The following PCDHA4 variants were observed in gnomAD, a reference collection of about 807,000 sequenced individuals.
PCDHA4 encodes protocadherin alpha-4.
In PCDHA4, 49 loss-of-function variants were observed where a neutral mutation model predicts 61.4. The ratio of observed to expected loss-of-function variants is 0.80; its 90% CI spans 0.63 to 1.01. PCDHA4 has a LOEUF of 1.01. Among genes scored for constraint, PCDHA4 ranks in the 50% least tolerant of loss-of-function variants. PCDHA4 has a pLI of 0.00. For missense variants in PCDHA4, 1,254 were observed against 1,235.8 expected (o/e 1.01, Z -0.22); for synonymous variants, 590 against 550.3 (o/e 1.07, Z -1.01).
chr5:140,973,653 A>G (rs2096597249), intron 1 of PCDHA4, among the ~76,000 whole-genome samples: 1 of 152,202 alleles, frequency 6.6e-6, no homozygotes, highest in African/African-American at 2.4e-5. Context: ...TGAAGAAGAA[A>G]TCTATTTATT....
intron 1 of PCDHA4, among the ~76,000 whole-genome samples, chr5:140,872,514 T>G (rs1223185665): frequency 1.3e-5 from 2 of 152,108 alleles, no homozygotes; most frequent in East Asian, 3.9e-4. Context: ...GTAGTCCCAG[T>G]TTCTTGGGAG....
At chr5:140,942,351 G>GCAGTTAA (rs1563195355) in intron 1 of PCDHA4, among the ~76,000 whole-genome samples, 1 of 152,024 alleles carries the variant, frequency 6.6e-6, no homozygotes. Context: ...GGCGGAGGTT[G>GCAGTTAA]CAGTTAACGG....
At chr5:140,957,255 T>C (rs577479092) in intron 1 of PCDHA4, among the ~76,000 whole-genome samples, 88 of 152,306 alleles carry the variant, frequency 5.8e-4, no homozygotes, top group Non-Finnish European at 1.0e-3. Flanking sequence ...AAAATTTAAA[T>C]ATGTAAGCAC....
rs114483996 is a variant in PCDHA4, at chr5:140,825,464, C to A, written c.2385+15892C>A. The stretch of plus-strand genomic sequence containing the variant: ...ATAATATATATCAGATATTTTGATA[C>A]AGAATTTTGCTCTTGTTGCCCAAAC... On this transcript the variant is annotated intron_variant, in intron 1 of 3. Coordinates refer to ENST00000530339, the MANE Select transcript of PCDHA4 (RefSeq NM_018907.4). 1.4e-3 allele frequency: 215 copies of A among 148,416 alleles called. 1 individual carries two copies. Among genetic ancestry groups the A allele is most frequent in the African/African-American group, 5.0e-3 (201 of 40,520 alleles). The allele number at this position is 148,416 out of a possible 1,614,324, so 9.2% of individuals were successfully genotyped here.
chr5:141,008,147 G>A (rs782783615), intron 3 of PCDHA4, among the ~76,000 whole-genome samples: 9 of 152,114 alleles, frequency 5.9e-5, no homozygotes, highest in Non-Finnish European at 1.3e-4. Context: ...CTGCTGAGAG[G>A]TTTGATAAGA....
rs145409201 is a variant in PCDHA4, at chr5:140,808,107, A to T, written c.920A>T (p.Tyr307Phe). 1.2e-6 allele frequency: 2 copies of T among 1,613,886 alleles called. No individual in the cohort carries two copies. The highest frequency in any genetic ancestry group is 2.7e-5 in the African/African-American group (2 of 75,076). The change falls in exon 1 of 4, where the codon TAT becomes TTT. Residue 307 changes from tyrosine to phenylalanine, a missense_variant. Tyr to Phe is a conservative substitution (Grantham distance 22). Transcript: ENST00000530339. Reference protein sequence around the residue: ...PITGQIIVKGYIDFEESKSYE... With the variant: ...PITGQIIVKGFIDFEESKSYE... ...ACTGGACAAATTATTGTAAAGGGAT[A>T]TATTGACTTTGAAGAAAGCAAATCC...
At chr5:140,943,770 A>G (rs1290673049) in intron 1 of PCDHA4, among the ~76,000 whole-genome samples, 16 of 152,384 alleles carry the variant, frequency 1.0e-4, no homozygotes, top group African/African-American at 3.8e-4. Context: ...TAGGAAAAAA[A>G]CTAGGAAGTG....
chr5:141,000,387 CTCTCTCTCTATATATA>C (rs1282156924), intron 3 of PCDHA4, among the ~76,000 whole-genome samples: 8 of 66,888 alleles, frequency 1.2e-4, no homozygotes, highest in African/African-American at 4.0e-4. Flanking sequence ...CTCTCTCTCT[CTCTCTCTCTATATATA>C]TATATATATA....
At chr5:141,002,220 G>A (rs2098065627) in intron 3 of PCDHA4, among the ~76,000 whole-genome samples, 1 of 152,196 alleles carries the variant, frequency 6.6e-6, no homozygotes. Context: ...TCAAAATGAT[G>A]GGTTTTCTGG....
intron 1 of PCDHA4, chr5:140,883,784 A>G (rs2059818732): frequency 3.7e-6 from 6 of 1,612,354 alleles, no homozygotes; most frequent in Non-Finnish European, 4.2e-6. Context: ...TGCGCTGTCG[A>G]GCTACGTGTC....
At chr5:140,822,968 C>T (rs2150120818) in intron 1 of PCDHA4, 1 of 1,614,232 alleles carries the variant, frequency 6.2e-7, no homozygotes, top group East Asian at 2.2e-5. Context: ...AAGCTGGTGT[C>T]CACCTTCAAG....
chr5:140,876,827 C>A, intron 1 of PCDHA4: 3 of 1,614,182 alleles, frequency 1.9e-6, no homozygotes, highest in South Asian at 1.1e-5. Context: ...AACGACAATG[C>A]GCCTGCGTTC....
intron 1 of PCDHA4, chr5:140,877,160 C>G: frequency 6.2e-7 from 1 of 1,613,814 alleles, no homozygotes; most frequent in Non-Finnish European, 8.5e-7. Flanking sequence ...GACAACGCGC[C>G]GGCACTGCTG....
rs541261946 is a variant in PCDHA4, at chr5:140,926,749, G to T, written c.2386-52200G>T. ...GGCGTTCGGGAGGCGCAACGTCGGC[G>T]GTCGCTGAGTATCCAGCCCGCAGCA... On this transcript the variant is annotated intron_variant, in intron 1 of 3. Coordinates refer to ENST00000530339, the MANE Select transcript of PCDHA4 (RefSeq NM_018907.4). 7.3e-6 allele frequency: 9 copies of T among 1,237,260 alleles called. No homozygotes were observed. In the East Asian group the frequency reaches 2.0e-4, roughly 28 times the overall value. The allele number at this position is 1,237,260 out of a possible 1,614,324, so 76.6% of individuals were successfully genotyped here.
Position 140,917,751 on chromosome 5 carries a change from A to G in PCDHA4, c.2386-61198A>G, listed in dbSNP as rs577892904. On this transcript the variant is annotated intron_variant, in intron 1 of 3. Coordinates refer to ENST00000530339, the MANE Select transcript of PCDHA4 (RefSeq NM_018907.4). ...GTTCTCTAACCTGTCCCATTGGTCT[A>G]TGTGTCTGTTTTTGTATTAGTACCA... is the stretch of plus-strand genomic sequence containing the variant. Among the ~76,000 whole-genome samples the G allele has an allele frequency of 3.7e-4, 56 of 152,178 alleles. 2 individuals are homozygous for G. The highest frequency in any genetic ancestry group is 1.3e-3 in the African/African-American group (55 of 41,522).
At chr5:140,907,564 C>A (rs782642591) in intron 1 of PCDHA4, among the ~76,000 whole-genome samples, 1 of 152,228 alleles carries the variant, frequency 6.6e-6, no homozygotes, top group African/African-American at 2.4e-5. Flanking sequence ...ATATAATCAA[C>A]TTGCCACCAG....
chr5:140,905,427 A>G lies in PCDHA4; in HGVS notation c.2386-73522A>G, dbSNP rs185931856. 5.3e-5 allele frequency among the ~76,000 whole-genome samples: 8 copies of G among 152,298 alleles called. No homozygotes were observed. The East Asian group carries it at 1.5e-3, about 29-fold the overall frequency. ...TTTATACCAGTACCATGCTGGTTTG[A>G]TAACTACAGCCTTTTAGTATAATTT... On this transcript the variant is annotated intron_variant, in intron 1 of 3. Transcript: ENST00000530339.
intron 1 of PCDHA4, among the ~76,000 whole-genome samples, chr5:140,918,821 GC>G (rs35355209): frequency 0.76 from 114,950 of 152,064 alleles, 44,573 homozygotes; most frequent in African/African-American, 0.94. Flanking sequence ...CCAAAAAGTG[GC>G]CCCCTCCCCA....
At chr5:140,856,185 G>T (rs1554148335) in intron 1 of PCDHA4, 1 of 1,598,044 alleles carries the variant, frequency 6.3e-7, no homozygotes, top group Non-Finnish European at 8.6e-7. Context: ...TTCGTGGGCC[G>T]CATCGCGCAG....
Sources: gnomAD v4.1 joint callset for allele counts (sites outside exome capture counted in the v4.1 genomes callset) on GRCh38, gnomAD v4.1.1 for gene constraint, MANE v1.5 for transcripts, NCBI Gene and HGNC (gene_info 2026-07-23, HGNC 2026-07-21) for gene names.